The following ELF2 variants were observed in gnomAD, a reference collection of about 807,000 sequenced individuals.
The protein encoded by ELF2 is E74 like ETS transcription factor 2.
A neutral mutation model predicts 54.8 loss-of-function variants in ELF2; 11 were observed. The ratio of observed to expected loss-of-function variants is 0.20; its 90% CI spans 0.13 to 0.33. The LOEUF (loss-of-function observed/expected upper bound fraction) is 0.33, where lower values mean the gene tolerates loss of function less well. Among genes scored for constraint, ELF2 ranks in the 10% least tolerant of loss-of-function variants. The pLI, the probability that ELF2 is intolerant of heterozygous loss-of-function variation, is 1.00. For synonymous variants in ELF2, 203 were observed against 245.1 expected (o/e 0.83, Z 1.61); for missense variants, 513 against 703.0 (o/e 0.73, Z 3.06).
chr4:139,111,991 A>G (rs982286444), intron 4 of ELF2, among the ~76,000 whole-genome samples: 1 of 152,222 alleles, frequency 6.6e-6, no homozygotes, highest in Non-Finnish European at 1.5e-5. Flanking sequence ...TATTTTGAAA[A>G]AAACTAAATT....
At chr4:139,134,002 T>C (rs1443909581) in intron 3 of ELF2, among the ~76,000 whole-genome samples, 1 of 152,176 alleles carries the variant, frequency 6.6e-6, no homozygotes, top group Non-Finnish European at 1.5e-5. Flanking sequence ...CTTGCTGCCT[T>C]GTAGTAATGT....
At chr4:139,097,963 G>A (rs1031665961) in intron 4 of ELF2, among the ~76,000 whole-genome samples, 101 of 152,200 alleles carry the variant, frequency 6.6e-4, no homozygotes, top group African/African-American at 2.4e-3. Flanking sequence ...GCCTCCCAAA[G>A]CACTAGGATT....
chr4:139,099,827 T>TA lies in ELF2; in HGVS notation c.238+25336dup, dbSNP rs1312574264. On this transcript the variant is annotated intron_variant, in intron 4 of 9. Coordinates refer to ENST00000686138, the MANE Select transcript of ELF2 (RefSeq NM_001331036.3). ...CACATTAAATAATGGAGGGCTATGA[T>TA]AAAAAATAACAGAACAGTCCTAATT... 3.3e-5 allele frequency among the ~76,000 whole-genome samples: 5 copies of TA among 152,144 alleles called. No individual in the cohort carries two copies. In the East Asian group the frequency reaches 5.8e-4, roughly 18 times the overall value.
At chr4:139,127,973 A>G (rs893761014) in intron 3 of ELF2, among the ~76,000 whole-genome samples, 2 of 151,764 alleles carry the variant, frequency 1.3e-5, no homozygotes, top group African/African-American at 2.4e-5. Flanking sequence ...TCAAAAAAAA[A>G]AAAAAAAAAA....
At chr4:139,147,753 C>T (rs1009891725) in intron 1 of ELF2, among the ~76,000 whole-genome samples, 5 of 150,308 alleles carry the variant, frequency 3.3e-5, no homozygotes, top group African/African-American at 1.2e-4. Flanking sequence ...GGATTACAGG[C>T]GTCAGCCACG....
intron 4 of ELF2, among the ~76,000 whole-genome samples, chr4:139,095,185 A>ATTTTTT (rs200556112): frequency 7.1e-6 from 1 of 140,012 alleles, no homozygotes; most frequent in African/African-American, 2.6e-5. Flanking sequence ...TTTGCTATAG[A>ATTTTTT]TTTTTTTTTT....
At chr4:139,146,123 A>T (rs1421094019) in intron 1 of ELF2, among the ~76,000 whole-genome samples, 1 of 152,218 alleles carries the variant, frequency 6.6e-6, no homozygotes, top group Non-Finnish European at 1.5e-5. Flanking sequence ...ATACCTACAA[A>T]ATGCTGAAGA....
At chr4:139,128,772 T>C (rs1737201120) in intron 3 of ELF2, among the ~76,000 whole-genome samples, 1 of 152,084 alleles carries the variant, frequency 6.6e-6, no homozygotes. Context: ...TCCACTTGCC[T>C]CAGCCTCCCA....
At chr4:139,095,042 A>C (rs1166677274) in intron 4 of ELF2, among the ~76,000 whole-genome samples, 1 of 152,164 alleles carries the variant, frequency 6.6e-6, no homozygotes, top group Non-Finnish European at 1.5e-5. Flanking sequence ...TGTAAATAAT[A>C]ACAATTTTGT....
At chr4:139,064,257 G>C (rs1005182651) in intron 7 of ELF2, among the ~76,000 whole-genome samples, 4 of 152,242 alleles carry the variant, frequency 2.6e-5, no homozygotes, top group African/African-American at 9.6e-5. Flanking sequence ...GCAGTGAGCA[G>C]AGATCACGCC....
chr4:139,113,641 T>G (rs557606809), intron 4 of ELF2, among the ~76,000 whole-genome samples: 25 of 151,862 alleles, frequency 1.6e-4, no homozygotes, highest in Non-Finnish European at 2.9e-4. Context: ...AGTCACTTGA[T>G]GTCAGGAGTT....
At chr4:139,095,010 T>G (rs1205731305) in intron 4 of ELF2, among the ~76,000 whole-genome samples, 1 of 152,166 alleles carries the variant, frequency 6.6e-6, no homozygotes, top group Non-Finnish European at 1.5e-5. Context: ...TCTCTTAAAT[T>G]TTATGTGTTA....
At chr4:139,133,175 C>A (rs1002673322) in intron 3 of ELF2, among the ~76,000 whole-genome samples, 3 of 152,116 alleles carry the variant, frequency 2.0e-5, no homozygotes, top group Non-Finnish European at 2.9e-5. Context: ...CCCGCCTCGG[C>A]TTCCGAAAAT....
intron 4 of ELF2, among the ~76,000 whole-genome samples, chr4:139,098,808 T>C (rs1733572604): frequency 6.6e-6 from 1 of 152,228 alleles, no homozygotes; most frequent in Non-Finnish European, 1.5e-5. Context: ...TGTTATATAT[T>C]AGCTGTTTCC....
At chr4:139,144,149 C>T (rs1369687130) in intron 1 of ELF2, among the ~76,000 whole-genome samples, 2 of 152,024 alleles carry the variant, frequency 1.3e-5, no homozygotes, top group Non-Finnish European at 2.9e-5. Flanking sequence ...ACACCATGAG[C>T]CAGGTAAAAA....
At chr4:139,063,416 A>G (rs937120947) in intron 7 of ELF2, among the ~76,000 whole-genome samples, 1 of 152,204 alleles carries the variant, frequency 6.6e-6, no homozygotes, top group African/African-American at 2.4e-5. Flanking sequence ...CCTAAAATGG[A>G]AAAATATGGT....
intron 1 of ELF2, among the ~76,000 whole-genome samples, chr4:139,172,981 A>T (rs1742473326): frequency 6.6e-6 from 1 of 151,436 alleles, no homozygotes; most frequent in Non-Finnish European, 1.5e-5. Flanking sequence ...TACAATATGA[A>T]TGAATCCCAA....
chr4:139,153,280 CA>C (rs1434010336), intron 1 of ELF2, among the ~76,000 whole-genome samples: 2 of 151,800 alleles, frequency 1.3e-5, no homozygotes, highest in African/African-American at 2.4e-5. Context: ...ACTAAAAATA[CA>C]AAAATTAGTC....
At chr4:139,137,574 G>A in intron 3 of ELF2, 56 bp downstream of exon 3, 1 of 1,544,460 alleles carries the variant, frequency 6.5e-7, no homozygotes, top group Non-Finnish European at 8.9e-7. Flanking sequence ...TTCAAAATTA[G>A]TTCATGCACA....
Sources: gnomAD v4.1 joint callset for allele counts (sites outside exome capture counted in the v4.1 genomes callset) on GRCh38, gnomAD v4.1.1 for gene constraint, MANE v1.5 for transcripts, NCBI Gene and HGNC (gene_info 2026-07-23, HGNC 2026-07-21) for gene names.